The following CCL18 variants were observed in gnomAD, a reference collection of about 807,000 sequenced individuals.
The protein encoded by CCL18 is C-C motif chemokine ligand 18.
In CCL18, 7 loss-of-function variants were observed where a neutral mutation model predicts 8.0. The ratio of observed to expected loss-of-function variants is 0.87; its 90% CI spans 0.50 to 1.64. CCL18 has a LOEUF of 1.64. Ranked by LOEUF, CCL18 falls within the 40% of genes most tolerant of loss-of-function variation. The probability of loss-of-function intolerance (pLI) is 0.00; values close to 1 mark genes in which losing one functional copy is unlikely to be tolerated. For synonymous variants in CCL18, 35 were observed against 41.3 expected, an observed-to-expected ratio of 0.85 and a Z score of 0.59; for missense variants, 95 against 107.8, an observed-to-expected ratio of 0.88 and a Z score of 0.52.
At position 36,070,544 on chromosome 17, in the gene CCL18, C is replaced by G; in HGVS notation, c.165C>G (p.Pro55=). 1 of 1,609,870 alleles carries G rather than the reference C, an allele frequency of 6.2e-7. No individual in the cohort carries two copies. The highest frequency in any genetic ancestry group is 8.5e-7 in the Non-Finnish European group (1 of 1,176,100). Residue 55 remains proline, a synonymous_variant, in exon 2 of 3, where the codon CCC becomes CCG. Transcript: ENST00000616054. ...VDYSETSPQC[P]KPGVILLTKR... ...ATTCTGAAACCAGCCCCCAGTGCCC[C>G]AAGCCAGGTGTCATGTAAGTGCCAG...
intron 1 of CCL18, 117 bp downstream of exon 1, chr17:36,064,526 A>G: frequency 2.7e-6 from 2 of 747,002 alleles, no homozygotes; most frequent in Non-Finnish European, 2.3e-6. Context: ...ATGGGGTTTC[A>G]AAGTGACATC....
At position 36,070,541 on chromosome 17, in the gene CCL18, C is replaced by T. The variant is rs774087303; in HGVS notation, c.162C>T (p.Cys54=). ...IVDYSETSPQ[C]PKPGVILLTK... is the part of the protein sequence containing the mutation. The stretch of plus-strand genomic sequence containing the variant: ...ACTATTCTGAAACCAGCCCCCAGTG[C>T]CCCAAGCCAGGTGTCATGTAAGTGC... The change falls in exon 2 of 3, where the codon TGC becomes TGT. Residue 54 remains cysteine (C), a synonymous_variant. Coordinates refer to ENST00000616054, the MANE Select transcript of CCL18 (RefSeq NM_002988.4). 1.2e-6 allele frequency: 2 copies of T among 1,610,990 alleles called. No homozygotes were observed. Among genetic ancestry groups the T allele is most frequent in the African/African-American group, 1.3e-5 (1 of 75,006 alleles).
intron 1 of CCL18, among the ~76,000 whole-genome samples, chr17:36,068,314 T>C (rs2142052183): frequency 6.6e-6 from 1 of 152,032 alleles, no homozygotes; most frequent in Admixed American, 6.5e-5. Context: ...GAAAGAAATA[T>C]ACCAAACTGT....
chr17:36,071,075 G>C lies in CCL18; in HGVS notation c.*34G>C. On this transcript the variant is annotated 3_prime_UTR_variant, in exon 3 of 3. Coordinates refer to ENST00000616054, the MANE Select transcript of CCL18 (RefSeq NM_002988.4). ...GAAGCTGCGAGGGCCCAGTGAACTT[G>C]GTGGGCCCAGGAGGGAACAGGAGCC... is the stretch of plus-strand genomic sequence containing the variant. 1 of 1,487,342 alleles carries C rather than the reference G, an allele frequency of 6.7e-7. No homozygotes were observed. The highest frequency in any genetic ancestry group is 9.4e-7 in the Non-Finnish European group (1 of 1,066,966). 92.1% of individuals were successfully genotyped at this position (1,487,342 alleles called of 1,614,324 possible). A position where few individuals can be genotyped will look rare whatever the true frequency, so the allele number is the denominator to read the frequency against.
intron 1 of CCL18, among the ~76,000 whole-genome samples, chr17:36,064,818 A>T (rs2066828576): frequency 6.6e-6 from 1 of 152,196 alleles, no homozygotes; most frequent in Non-Finnish European, 1.5e-5. Flanking sequence ...AAAATTCCCC[A>T]AGGAGAGTTA....
At chr17:36,064,556 T>C (rs2066827475) in intron 1 of CCL18, 147 bp downstream of exon 1, 5 of 652,180 alleles carry the variant, frequency 7.7e-6, no homozygotes, top group East Asian at 2.7e-5. Context: ...TTCAAGAAGG[T>C]TGAAAAGCAG....
chr17:36,068,486 C>T (rs138880078), intron 1 of CCL18, among the ~76,000 whole-genome samples: 14 of 152,258 alleles, frequency 9.2e-5, no homozygotes, highest in Non-Finnish European at 2.1e-4. Context: ...GCCTACCCAG[C>T]TTTGAGATTC....
chr17:36,068,382 A>G (rs2142052243), intron 1 of CCL18, among the ~76,000 whole-genome samples: 1 of 152,222 alleles, frequency 6.6e-6, no homozygotes, highest in South Asian at 2.1e-4. Context: ...ACCTTCAATG[A>G]AATTTTTTTT....
intron 1 of CCL18, among the ~76,000 whole-genome samples, chr17:36,065,625 C>A (rs575237293): frequency 1.1e-4 from 16 of 152,252 alleles, no homozygotes; most frequent in Admixed American, 3.3e-4. Flanking sequence ...GTGCCTTAAC[C>A]GTGAGGGAAC....
In CCL18 at chr17:36,071,317, C is replaced by A; in HGVS notation, c.*276C>A. The A allele has an allele frequency of 2.3e-6, 1 of 428,886 alleles. No homozygotes were observed. The highest frequency in any genetic ancestry group is 3.9e-5 in the Admixed American group (1 of 25,390). The allele number at this position is 428,886 out of a possible 1,614,324, so 26.6% of individuals were successfully genotyped here. On this transcript the variant is annotated 3_prime_UTR_variant, in exon 3 of 3. Coordinates refer to ENST00000616054, the MANE Select transcript of CCL18 (RefSeq NM_002988.4). ...CCTTTCCCCTTTCCCTTCAACTCTT[C>A]GTACATTCAATGCATGGATCAATCA...
chr17:36,070,558 T>A lies in CCL18; in HGVS notation c.179T>A (p.Ile60Asn), dbSNP rs760372568. Residue 60 changes from isoleucine to asparagine, a missense_variant and splice_region_variant, in exon 2 of 3, where the codon ATC (isoleucine) becomes AAC (asparagine). Transcript: ENST00000616054. ...CCCCAGTGCCCCAAGCCAGGTGTCA[T>A]GTAAGTGCCAGTGCTCCTGCCCACC... is the stretch of plus-strand genomic sequence containing the variant. ...TSPQCPKPGV[I>N]LLTKRGRQIC... 2 of 1,587,988 alleles carry A rather than the reference T, an allele frequency of 1.3e-6. No individual in the cohort carries two copies. Among genetic ancestry groups the A allele is most frequent in the Non-Finnish European group, 1.7e-6 (2 of 1,156,170 alleles).
rs928995731 is a variant in CCL18 at position 36,070,620 on chromosome 17, C to A, written c.179+62C>A. 1.2e-5 allele frequency: 12 copies of A among 1,018,416 alleles called. No individual in the cohort carries two copies. In the African/African-American group the frequency reaches 1.9e-4, roughly 16 times the overall value. The allele number at this position is 1,018,416 out of a possible 1,614,324, so 63.1% of individuals were successfully genotyped here. A position where few individuals can be genotyped will look rare whatever the true frequency, so the allele number is the denominator to read the frequency against. ...AGGATGGGAGGTTTGGGGTGAGGTCCCCTCAGAGTACTCAGCTCTCTAAGG... is the reference window on the plus strand; with the variant it reads ...AGGATGGGAGGTTTGGGGTGAGGTCACCTCAGAGTACTCAGCTCTCTAAGG... On this transcript the variant is annotated intron_variant, in intron 2 of 2. Coordinates refer to ENST00000616054, the MANE Select transcript of CCL18 (RefSeq NM_002988.4).
chr17:36,070,178 T>A lies in CCL18; in HGVS notation c.68-269T>A, dbSNP rs1568527920. On this transcript the variant is annotated intron_variant, in intron 1 of 2. Coordinates refer to ENST00000616054, the MANE Select transcript of CCL18 (RefSeq NM_002988.4). ...AGGAGAGATGGGATGGGAAATAGTT[T>A]GCTCAGAAAACTAAATTTCCAGTAA... 2.6e-5 allele frequency among the ~76,000 whole-genome samples: 4 copies of A among 152,124 alleles called. No homozygotes were observed. The South Asian group carries it at 8.3e-4, about 32-fold the overall frequency.
chr17:36,064,351 C>G lies in CCL18; in HGVS notation c.9C>G (p.Gly3=). The G allele has an allele frequency of 6.2e-7, 1 of 1,613,894 alleles. No individual in the cohort carries two copies. Among genetic ancestry groups the G allele is most frequent in the Non-Finnish European group, 8.5e-7 (1 of 1,179,804 alleles). ...TCTGCCTGCCCAGCATCATGAAGGG[C>G]CTTGCAGCTGCCCTCCTTGTCCTCG... is the stretch of plus-strand genomic sequence containing the variant. MK[G]LAAALLVLVC... The change falls in exon 1 of 3, where the codon GGC becomes GGG. Residue 3 remains glycine (G), a synonymous_variant. Coordinates refer to ENST00000616054, the MANE Select transcript of CCL18 (RefSeq NM_002988.4).
Position 36,068,329 on chromosome 17 carries a change from T to A in CCL18, c.68-2118T>A, listed in dbSNP as rs536081090. On this transcript the variant is annotated intron_variant, in intron 1 of 2. Transcript: ENST00000616054. The stretch of plus-strand genomic sequence containing the variant: ...GAAAGAAATATACCAAACTGTTTTT[T>A]AAAAAAAAAAAGTGGCTAGGTTTGG... Among the ~76,000 whole-genome samples, 380 of 146,986 alleles carry A rather than the reference T, an allele frequency of 2.6e-3. 3 individuals carry two copies. Among genetic ancestry groups the A allele is most frequent in the South Asian group, 0.019 (89 of 4,668 alleles).
At chr17:36,066,074 A>G (rs2066835584) in intron 1 of CCL18, among the ~76,000 whole-genome samples, 2 of 152,194 alleles carry the variant, frequency 1.3e-5, no homozygotes, top group Admixed American at 1.3e-4. Context: ...CCAACTAACA[A>G]TGGGTCCTAG....
chr17:36,064,792 T>C (rs140648498), intron 1 of CCL18, among the ~76,000 whole-genome samples: 195 of 152,286 alleles, frequency 1.3e-3, no homozygotes, highest in African/African-American at 4.6e-3. Context: ...ATCTTGTGAT[T>C]TAATCTATTA....
intron 1 of CCL18, 30 bp from the exon 2 acceptor site, chr17:36,070,417 C>T: frequency 1.5e-6 from 2 of 1,376,870 alleles, no homozygotes; most frequent in Non-Finnish European, 2.1e-6. Flanking sequence ...TGAACAATGA[C>T]TTGGGATCTT....
chr17:36,064,533 C>T, intron 1 of CCL18, 124 bp downstream of exon 1: 2 of 720,210 alleles, frequency 2.8e-6, no homozygotes, highest in South Asian at 1.6e-5. Context: ...TTCAAAGTGA[C>T]ATCATTGTTT....
Sources: gnomAD v4.1 joint callset for allele counts (sites outside exome capture counted in the v4.1 genomes callset) on GRCh38, gnomAD v4.1.1 for gene constraint, MANE v1.5 for transcripts, NCBI Gene and HGNC (gene_info 2026-07-23, HGNC 2026-07-21) for gene names.